The following FRMPD1 variants were observed in gnomAD, a reference collection of about 807,000 sequenced individuals.
The protein encoded by FRMPD1 is FERM and PDZ domain containing 1, also known as FERM and PDZ domain-containing protein 1.
Under a neutral mutation model 117.8 loss-of-function variants are expected in FRMPD1, and 76 were observed. The ratio of observed to expected loss-of-function variants is 0.65; its 90% CI spans 0.54 to 0.78. FRMPD1 has a LOEUF of 0.78. Among genes scored for constraint, FRMPD1 ranks in the 30% least tolerant of loss-of-function variants. The pLI, the probability that FRMPD1 is intolerant of heterozygous loss-of-function variation, is 0.00. For synonymous variants in FRMPD1, 783 were observed against 770.4 expected, an observed-to-expected ratio of 1.02 and a Z score of -0.27; for missense variants, 1,786 against 1,964.5, an observed-to-expected ratio of 0.91 and a Z score of 1.72.
Position 37,708,433 on chromosome 9 carries a change from T to C in FRMPD1, c.294T>C (p.Asp98=). Residue 98 remains aspartate, a synonymous_variant, in exon 4 of 16, where the codon GAT becomes GAC. Transcript: ENST00000377765. ...CTCACGGCAAGCTTTTCCCTGGTGA[T>C]CAGATCCTCCAAATGAACAATGAGC... ...GSAHGKLFPG[D]QILQMNNEPA... 4 of 1,613,342 alleles carry C rather than the reference T, an allele frequency of 2.5e-6. No homozygotes were observed. Among genetic ancestry groups the C allele is most frequent in the Non-Finnish European group, 3.4e-6 (4 of 1,179,250 alleles).
chr9:37,637,938 C>A, the FRMPD1 span, among the ~76,000 whole-genome samples: 1 of 145,896 alleles, frequency 6.9e-6, no homozygotes, highest in African/African-American at 2.5e-5. Context: ...GATTTTAATT[C>A]TGATTTCAAA....
chr9:37,689,399 T>C (rs1006976731), intron 1 of FRMPD1, among the ~76,000 whole-genome samples: 1 of 152,274 alleles, frequency 6.6e-6, no homozygotes, highest in East Asian at 1.9e-4. Context: ...ATCTGCTTAG[T>C]TTTTCATGTA....
At chr9:37,633,271 T>C in the FRMPD1 span, among the ~76,000 whole-genome samples, 139,481 of 152,058 alleles carry the variant, frequency 0.92, 65,203 homozygotes, top group East Asian at 1. Context: ...GAACTCTTGA[T>C]CTCAAGTGAT....
chr9:37,618,705 A>G, the FRMPD1 span, among the ~76,000 whole-genome samples: 2 of 152,080 alleles, frequency 1.3e-5, no homozygotes, highest in African/African-American at 4.8e-5. Context: ...GGTTTACTGC[A>G]GTTCCCTCAA....
At chr9:37,642,857 C>G in the FRMPD1 span, among the ~76,000 whole-genome samples, 1 of 152,284 alleles carries the variant, frequency 6.6e-6, no homozygotes, top group East Asian at 1.9e-4. Context: ...TCTTTCTGCA[C>G]AGGGGAAAGT....
intron 14 of FRMPD1, among the ~76,000 whole-genome samples, chr9:37,737,954 T>C (rs572633639): frequency 3.9e-5 from 6 of 152,234 alleles, no homozygotes; most frequent in African/African-American, 1.2e-4. Context: ...TCTTGAAGTA[T>C]AAAAGAACTT....
chr9:37,623,622 T>C, the FRMPD1 span, among the ~76,000 whole-genome samples: 1 of 152,178 alleles, frequency 6.6e-6, no homozygotes, highest in Non-Finnish European at 1.5e-5. Context: ...GTGAGAGCCC[T>C]GCATGCTGGG....
intron 7 of FRMPD1, among the ~76,000 whole-genome samples, chr9:37,728,829 G>A (rs1290867282): frequency 1.3e-4 from 19 of 151,978 alleles, no homozygotes; most frequent in Non-Finnish European, 2.2e-4. Flanking sequence ...TGGGCGTGGT[G>A]GCGCACACCT....
At chr9:37,628,991 G>A in the FRMPD1 span, among the ~76,000 whole-genome samples, 1 of 152,188 alleles carries the variant, frequency 6.6e-6, no homozygotes, top group African/African-American at 2.4e-5. Context: ...CTCAGGTCAG[G>A]AGTTCAAGAC....
At chr9:37,642,840 T>C in the FRMPD1 span, among the ~76,000 whole-genome samples, 1 of 152,228 alleles carries the variant, frequency 6.6e-6, no homozygotes, top group Non-Finnish European at 1.5e-5. Flanking sequence ...TATGTTGTTA[T>C]TTCTTTTCTT....
At chr9:37,630,570 G>A in the FRMPD1 span, among the ~76,000 whole-genome samples, 3 of 151,980 alleles carry the variant, frequency 2.0e-5, no homozygotes, top group South Asian at 2.1e-4. Flanking sequence ...TAGTAGAGAC[G>A]GAGTTTCACC....
At chr9:37,647,565 C>T (rs576465563), upstream of FRMPD1, among the ~76,000 whole-genome samples, 118 of 149,622 alleles carry the variant, frequency 7.9e-4, no homozygotes, top group African/African-American at 2.9e-3. Context: ...TAGGGTAAAA[C>T]TTGAGAAACA....
At chr9:37,732,474 T>C (rs771624603) in intron 10 of FRMPD1, 34 bp downstream of exon 10, 9 of 1,569,162 alleles carry the variant, frequency 5.7e-6, no homozygotes, top group Non-Finnish European at 7.8e-6. Flanking sequence ...GCATTGCATT[T>C]ATAACTTGCT....
chr9:37,710,523 C>T (rs543542513), intron 4 of FRMPD1, among the ~76,000 whole-genome samples: 1 of 152,132 alleles, frequency 6.6e-6, no homozygotes, highest in Non-Finnish European at 1.5e-5. Context: ...CTCATTACAC[C>T]GACTTTGTGT....
In FRMPD1 at chr9:37,740,460, G is replaced by C. The variant is rs774354769; in HGVS notation, c.1932G>C (p.Gln644His). The C allele has an allele frequency of 6.2e-7, 1 of 1,614,238 alleles. No individual in the cohort carries two copies. Among genetic ancestry groups the C allele is most frequent in the South Asian group, 1.1e-5 (1 of 91,082 alleles). The change falls in exon 15 of 16, where the codon CAG (glutamine) becomes CAC (histidine). Residue 644 changes from glutamine (Q) to histidine (H), a missense_variant. Coordinates refer to ENST00000377765, the MANE Select transcript of FRMPD1 (RefSeq NM_014907.3). The surrounding 1 kb of genome is among the most constrained non-coding windows in gnomAD (Gnocchi z 4.2). ...CAGAGAGCATTGACTCTGACAGCCA[G>C]GAGGAGAGAAGCGGGATTGAAACCA... ...GLAESIDSDS[Q>H]EERSGIETSG...
chr9:37,736,869 G>GTGTC (rs1161011104), intron 13 of FRMPD1, among the ~76,000 whole-genome samples: 1 of 142,546 alleles, frequency 7.0e-6, no homozygotes, highest in African/African-American at 2.6e-5. Context: ...GTGTGTGTGT[G>GTGTC]TGTGTGTGTA....
chr9:37,667,815 G>A (rs1475505255), intron 1 of FRMPD1, among the ~76,000 whole-genome samples: 2 of 152,102 alleles, frequency 1.3e-5, no homozygotes, highest in Non-Finnish European at 2.9e-5. Flanking sequence ...TTGTCCATGA[G>A]CCGGCATGAG....
At position 37,745,327 on chromosome 9, in the gene FRMPD1, C is replaced by T. The variant is rs1046553442; in HGVS notation, c.3295C>T (p.Pro1099Ser). 1.2e-6 allele frequency: 2 copies of T among 1,611,320 alleles called. No individual in the cohort carries two copies. Among genetic ancestry groups the T allele is most frequent in the Non-Finnish European group, 1.7e-6 (2 of 1,177,594 alleles). The change falls in exon 16 of 16, where the codon CCT becomes TCT. Residue 1099 changes from proline (P) to serine (S), a missense_variant. By Grantham distance (74) the Pro-to-Ser change is moderately conservative (BLOSUM62 -1). Transcript: ENST00000377765. ...TCCAGGAGAGAAGATAGCTTCTATC[C>T]CTACAAAGGAAGAGCCACAAGGACA... is the stretch of plus-strand genomic sequence containing the variant. Reference protein sequence around the residue: ...INPGEKIASIPTKEEPQGQLS... With the variant: ...INPGEKIASISTKEEPQGQLS...
upstream of FRMPD1, chr9:37,650,863 C>G (rs1029522097): frequency 6.8e-6 from 1 of 148,008 alleles, no homozygotes; most frequent in Non-Finnish European, 1.5e-5. Context: ...AGCTGGCGGC[C>G]GCGCAGCTGC....
Sources: allele counts gnomAD v4.1 joint callset (sites outside exome capture counted in the v4.1 genomes callset), GRCh38; gene constraint gnomAD v4.1.1; non-coding constraint Gnocchi (gnomAD v3.1); transcripts MANE v1.5; gene names NCBI Gene and HGNC (gene_info 2026-07-23, HGNC 2026-07-21).